Variants in DPP10 observed in about 807,000 individuals in gnomAD.
DPP10 encodes the protein inactive dipeptidyl peptidase 10.
A neutral mutation model predicts 120.9 loss-of-function variants in DPP10; 33 were observed. The ratio of observed to expected loss-of-function variants is 0.27; its 90% CI spans 0.21 to 0.37. The LOEUF (loss-of-function observed/expected upper bound fraction) is 0.37. Ranked by LOEUF, DPP10 falls within the 10% of genes least tolerant of loss-of-function variation. The pLI is 1.00. For synonymous variants in DPP10, 337 were observed against 326.1 expected, an observed-to-expected ratio of 1.03 and a Z score of -0.36; for missense variants, 816 against 942.8, an observed-to-expected ratio of 0.87 and a Z score of 1.76.
intron 1 of DPP10, among the ~76,000 whole-genome samples, chr2:115,188,234 T>C (rs2054607039): frequency 6.6e-6 from 1 of 152,212 alleles, no homozygotes; most frequent in Non-Finnish European, 1.5e-5. Flanking sequence ...TTGTATGCTT[T>C]TCCTTCGTAT....
rs568373920 is a variant in DPP10 at position 114,926,334 on chromosome 2, A to C, written c.61-382905A>C. On this transcript the variant is annotated intron_variant, in intron 1 of 25. Coordinates refer to ENST00000410059, the MANE Select transcript of DPP10 (RefSeq NM_020868.6). Reference sequence around the variant, plus strand: ...TTCACCACTGCGAGCTATTCTTAAAATCTAAGAATGAATTGACAATAATAG... The same window carrying C: ...TTCACCACTGCGAGCTATTCTTAAACTCTAAGAATGAATTGACAATAATAG... Among the ~76,000 whole-genome samples, 9 of 152,310 alleles carry C rather than the reference A, an allele frequency of 5.9e-5. No individual in the cohort carries two copies. The East Asian group carries it at 1.7e-3, about 29-fold the overall frequency.
At chr2:114,599,406 G>C (rs1692186221) in intron 1 of DPP10, among the ~76,000 whole-genome samples, 1 of 151,672 alleles carries the variant, frequency 6.6e-6, no homozygotes, top group African/African-American at 2.4e-5. Flanking sequence ...CACCACCTGT[G>C]GGGGCAACTA....
chr2:114,798,866 C>T (rs1011635538), intron 1 of DPP10, among the ~76,000 whole-genome samples: 7 of 152,090 alleles, frequency 4.6e-5, no homozygotes, highest in Admixed American at 1.3e-4. Flanking sequence ...TGGTTGCTCA[C>T]GCCTGTAATC....
intron 1 of DPP10, among the ~76,000 whole-genome samples, chr2:114,633,253 T>C (rs1489439557): frequency 4.2e-4 from 54 of 129,050 alleles, no homozygotes; most frequent in African/African-American, 1.3e-3. Flanking sequence ...TCTTTCTTTT[T>C]TTTTTTTTTT....
chr2:115,395,520 G>A (rs937337080), intron 3 of DPP10, among the ~76,000 whole-genome samples: 3 of 152,042 alleles, frequency 2.0e-5, no homozygotes, highest in East Asian at 1.9e-4. Flanking sequence ...CAAAAACATC[G>A]CTTTCTTCCC....
chr2:115,384,669 AAGG>A (rs1233238285), intron 3 of DPP10, among the ~76,000 whole-genome samples: 1 of 148,144 alleles, frequency 6.8e-6, no homozygotes, highest in Non-Finnish European at 1.5e-5. Flanking sequence ...GAAGAAGAAG[AAGG>A]AAGAAGAAGA....
At chr2:114,635,358 C>T (rs1695230512) in intron 1 of DPP10, among the ~76,000 whole-genome samples, 1 of 151,796 alleles carries the variant, frequency 6.6e-6, no homozygotes, top group Admixed American at 6.6e-5. Flanking sequence ...ATAAAATTAA[C>T]ACAGTGGACA....
At chr2:115,640,296 A>C (rs2086673203) in intron 5 of DPP10, among the ~76,000 whole-genome samples, 1 of 150,108 alleles carries the variant, frequency 6.7e-6, no homozygotes, top group Non-Finnish European at 1.5e-5. Context: ...GTCCTGAAAA[A>C]ATCACTCCCA....
At chr2:115,791,907 A>G (rs1180772418) in intron 19 of DPP10, among the ~76,000 whole-genome samples, 12 of 152,174 alleles carry the variant, frequency 7.9e-5, no homozygotes, top group Admixed American at 7.9e-4. Context: ...CTAATGCGTA[A>G]CTAACTTGAT....
At chr2:114,472,516 A>AG (rs1037581187) in intron 1 of DPP10, among the ~76,000 whole-genome samples, 1 of 152,198 alleles carries the variant, frequency 6.6e-6, no homozygotes, top group Non-Finnish European at 1.5e-5. Context: ...AGTCATTTTA[A>AG]GGGGGGTTAG....
intron 1 of DPP10, among the ~76,000 whole-genome samples, chr2:114,610,853 C>T (rs953384493): frequency 2.6e-5 from 4 of 152,096 alleles, no homozygotes; most frequent in African/African-American, 4.8e-5. Flanking sequence ...GGCTTTTCCC[C>T]ACCCTCTGTT....
Position 115,525,481 on chromosome 2 carries a change from A to G in DPP10, c.367-417A>G, listed in dbSNP as rs151013790. ...AGTATCTTTTTAAATATAAACATTC[A>G]ACCAGTAAGAATACAAAAACACAGA... On this transcript the variant is annotated intron_variant, in intron 4 of 25. Transcript: ENST00000410059. Among the ~76,000 whole-genome samples the G allele has an allele frequency of 4.3e-3, 659 of 152,200 alleles. 5 individuals carry two copies. Among genetic ancestry groups the G allele is most frequent in the African/African-American group, 0.015 (627 of 41,558 alleles).
intron 1 of DPP10, among the ~76,000 whole-genome samples, chr2:115,227,856 T>G (rs2057516076): frequency 6.6e-6 from 1 of 151,948 alleles, no homozygotes; most frequent in Non-Finnish European, 1.5e-5. Context: ...AATTATTTAT[T>G]TATATTAATT....
chr2:115,793,525 A>T (rs1684218836), intron 19 of DPP10, among the ~76,000 whole-genome samples: 2 of 152,046 alleles, frequency 1.3e-5, no homozygotes, highest in Non-Finnish European at 2.9e-5. Flanking sequence ...CTGCCAACCT[A>T]ATATGGATAA....
intron 3 of DPP10, among the ~76,000 whole-genome samples, chr2:115,451,287 G>A (rs1023251368): frequency 3.3e-5 from 5 of 151,820 alleles, no homozygotes; most frequent in Admixed American, 6.6e-5. Context: ...AGGTGAAAGG[G>A]TAGAGTTTAA....
At chr2:114,914,507 C>T (rs145567033) in intron 1 of DPP10, among the ~76,000 whole-genome samples, 198 of 152,218 alleles carry the variant, frequency 1.3e-3, no homozygotes, top group Middle Eastern at 0.01. Flanking sequence ...TAAGCACATG[C>T]TTACGGAATT....
intron 4 of DPP10, among the ~76,000 whole-genome samples, chr2:115,518,041 A>G (rs902692914): frequency 4.6e-5 from 7 of 152,184 alleles, no homozygotes; most frequent in African/African-American, 1.7e-4. Context: ...AGGAAGCAAG[A>G]AAAAGAGAGA....
chr2:114,634,322 A>G (rs946013962), intron 1 of DPP10, among the ~76,000 whole-genome samples: 4 of 151,900 alleles, frequency 2.6e-5, no homozygotes, highest in Admixed American at 6.5e-5. Flanking sequence ...TCTCATTCCT[A>G]TCCTGTCCTT....
chr2:115,361,690 C>G (rs191065941), intron 3 of DPP10, among the ~76,000 whole-genome samples: 16 of 152,186 alleles, frequency 1.1e-4, no homozygotes, highest in African/African-American at 3.6e-4. Context: ...CCCGCAGTTC[C>G]TTTATTCACT....
Sources: gnomAD v4.1 joint callset for allele counts (sites outside exome capture counted in the v4.1 genomes callset) on GRCh38, gnomAD v4.1.1 for gene constraint, MANE v1.5 for transcripts, NCBI Gene and HGNC (gene_info 2026-07-23, HGNC 2026-07-21) for gene names.